The following BRCA1 variants were observed in gnomAD, a reference collection of about 807,000 sequenced individuals.
The protein encoded by BRCA1 is BRCA1 DNA repair associated.
BRCA1 carries 140 observed loss-of-function variants against 173.7 expected under a neutral mutation model. That is an observed-to-expected ratio of 0.81 (90% CI 0.70 to 0.93). The LOEUF is 0.93. Among genes scored for constraint, BRCA1 ranks in the 40% least tolerant of loss-of-function variants. The pLI, the probability that BRCA1 is intolerant of heterozygous loss-of-function variation, is 0.00. For missense variants in BRCA1, 1,983 were observed against 2,172.5 expected (o/e 0.91, Z 1.73); for synonymous variants, 662 against 756.0 (o/e 0.88, Z 2.04).
At chr17:43,158,937 C>A (rs1442621483) in intron 1 of BRCA1, among the ~76,000 whole-genome samples, 2 of 152,164 alleles carry the variant, frequency 1.3e-5, no homozygotes, top group African/African-American at 4.8e-5. Flanking sequence ...GTATTTCAAT[C>A]AAGATTTTCA....
intron 1 of BRCA1, chr17:43,142,577 G>A (rs1305201727): frequency 3.3e-5 from 5 of 152,130 alleles, no homozygotes; most frequent in African/African-American, 4.8e-5. Flanking sequence ...TTCTAGCCCT[G>A]TATCCTTATC....
chr17:43,045,730 C>CCAGTGCCAGGACAGCAGG lies in BRCA1; in HGVS notation c.5539_5540insCCTGCTGTCCTGGCACTG (p.Cys1847delinsSerCysCysProGlyThrGly), dbSNP rs1555574380. 6.2e-7 allele frequency: 1 copy of CCAGTGCCAGGACAGCAGG among 1,613,828 alleles called. No individual in the cohort carries two copies. Among genetic ancestry groups the CCAGTGCCAGGACAGCAGG allele is most frequent in the Non-Finnish European group, 8.5e-7 (1 of 1,179,952 alleles). On this transcript the variant is annotated protein_altering_variant, in exon 23 of 23. Transcript: ENST00000357654. ...TATCAGGTAGGTGTCCAGCTCCTGGCACTGGTAGAGTGCTACACTGTCCAA... is the reference window on the plus strand; with the variant it reads ...TATCAGGTAGGTGTCCAGCTCCTGGCCAGTGCCAGGACAGCAGGACTGGTAGAGTGCTACACTGTCCAA...
At position 43,095,852 on chromosome 17, in the gene BRCA1, T is replaced by A; in HGVS notation, c.664A>T (p.Lys222Ter). 1.2e-6 allele frequency: 2 copies of A among 1,613,350 alleles called. No homozygotes were observed. Among genetic ancestry groups the A allele is most frequent in the Non-Finnish European group, 1.7e-6 (2 of 1,179,464 alleles). Reference sequence around the variant, plus strand: ...TGGCAAACTTTGCCATTACCCTTTTTTGCAGAATCCAAACTGATTTCATCC... The same window carrying A: ...TGGCAAACTTTGCCATTACCCTTTTATGCAGAATCCAAACTGATTTCATCC... Reference protein sequence around the residue: ...TRDEISLDSAKKAACEFSETD... With the variant: ...TRDEISLDSA Residue 222 changes from lysine (K) to a stop codon, truncating the protein, a stop_gained, in exon 9 of 23, where the codon AAA becomes TAA. Coordinates refer to ENST00000357654, the MANE Select transcript of BRCA1 (RefSeq NM_007294.4). LOFTEE classifies it high-confidence loss of function.
At position 43,049,203 on chromosome 17, in the gene BRCA1, G is replaced by T. The variant is rs2051099141; in HGVS notation, c.5333-9C>A. 6.2e-7 allele frequency: 1 copy of T among 1,611,602 alleles called. No individual in the cohort carries two copies. The highest frequency in any genetic ancestry group is 8.5e-7 in the Non-Finnish European group (1 of 1,177,732). ...CATCCATTCCAGTTGATCTAAAATGGACATTTAGATGTAAAATCACTGCAG... is the reference window on the plus strand; with the variant it reads ...CATCCATTCCAGTTGATCTAAAATGTACATTTAGATGTAAAATCACTGCAG... On this transcript the variant is annotated splice_polypyrimidine_tract_variant and intron_variant, in intron 20 of 22. Coordinates refer to ENST00000357654, the MANE Select transcript of BRCA1 (RefSeq NM_007294.4).
intron 2 of BRCA1, among the ~76,000 whole-genome samples, chr17:43,123,347 A>AT: frequency 7.5e-6 from 1 of 132,918 alleles, no homozygotes; most frequent in Non-Finnish European, 1.6e-5. Context: ...CCGATCATCC[A>AT]TGTTTTTTTT....
Position 43,057,069 on chromosome 17 carries a change from C to A in BRCA1, c.5260G>T (p.Glu1754Ter), listed in dbSNP as rs80357432. 6.2e-7 allele frequency: 1 copy of A among 1,614,060 alleles called. No homozygotes were observed. The change falls in exon 19 of 23, where the codon GAA becomes TAA. Residue 1754 changes from glutamate (E) to a stop codon, truncating the protein, a stop_gained. Coordinates refer to ENST00000357654, the MANE Select transcript of BRCA1 (RefSeq NM_007294.4). LOFTEE classifies it high-confidence loss of function. ...RNHQGPKRARESQDRKIFRGL... is the reference protein window; with the variant it reads ...RNHQGPKRAR ...AGCTTTACCTTTCTGTCCTGGGATT[C>A]TCTTGCTCGCTTTGGACCTTGGTGG...
At chr17:43,048,473 G>A (rs920801031) in intron 21 of BRCA1, among the ~76,000 whole-genome samples, 2 of 151,248 alleles carry the variant, frequency 1.3e-5, no homozygotes, top group Admixed American at 1.3e-4. Context: ...CCAAAGTGCT[G>A]GGATTACAGG....
chr17:43,056,290 C>T (rs534332225), intron 19 of BRCA1, among the ~76,000 whole-genome samples: 3 of 151,950 alleles, frequency 2.0e-5, no homozygotes, highest in African/African-American at 7.2e-5. Flanking sequence ...ACTCTCAACT[C>T]AGCCTTCCGA....
At chr17:43,139,730 C>A (rs1597935470) in intron 1 of BRCA1, 3 of 387,154 alleles carry the variant, frequency 7.7e-6, no homozygotes, top group Admixed American at 5.9e-5. Flanking sequence ...TCTGTTGTTC[C>A]CTTCTTTGTG....
intron 1 of BRCA1, chr17:43,131,367 C>T (rs8079162): frequency 5.2e-6 from 2 of 384,588 alleles, no homozygotes; most frequent in Non-Finnish European, 1.1e-5. Flanking sequence ...GCGCTTAGCT[C>T]ATTTGTGTCT....
At chr17:43,099,975 G>T in intron 6 of BRCA1, 95 bp from the exon 7 acceptor site, 1 of 972,174 alleles carries the variant, frequency 1.0e-6, no homozygotes, top group South Asian at 1.3e-5. Flanking sequence ...AAAATAAATT[G>T]ACCATCATCA....
chr17:43,073,413 A>G lies in BRCA1; in HGVS notation c.4675+918T>C, dbSNP rs554926201. Reference sequence around the variant, plus strand: ...TTCAGAAAATGCCATGGTATCAGGAATTAAGCATAGCTAAGTAGAATGTAT... The same window carrying G: ...TTCAGAAAATGCCATGGTATCAGGAGTTAAGCATAGCTAAGTAGAATGTAT... On this transcript the variant is annotated intron_variant, in intron 14 of 22. Coordinates refer to ENST00000357654, the MANE Select transcript of BRCA1 (RefSeq NM_007294.4). 3.2e-4 allele frequency among the ~76,000 whole-genome samples: 48 copies of G among 152,290 alleles called. No individual in the cohort carries two copies. The highest frequency in any genetic ancestry group is 5.6e-4 in the Non-Finnish European group (38 of 68,016).
intron 1 of BRCA1, among the ~76,000 whole-genome samples, chr17:43,136,392 A>G (rs1420337662): frequency 6.6e-6 from 1 of 152,234 alleles, no homozygotes; most frequent in Non-Finnish European, 1.5e-5. Context: ...CTTCATGACT[A>G]AAACACCAAA....
At chr17:43,101,269 T>G (rs2054463495) in intron 6 of BRCA1, among the ~76,000 whole-genome samples, 11 of 151,732 alleles carry the variant, frequency 7.2e-5, no homozygotes, top group Admixed American at 7.2e-4. Context: ...TGATCTCGGT[T>G]CACTGCAACC....
chr17:43,124,797 C>T, intron 1 of BRCA1: 1 of 259,984 alleles, frequency 3.8e-6, no homozygotes, highest in Non-Finnish European at 7.7e-6. Flanking sequence ...CGCTCTGTCG[C>T]CCAGGCTGGA....
At position 43,121,683 on chromosome 17, in the gene BRCA1, C is replaced by CAAAAAA. The variant is rs71160013; in HGVS notation, c.80+2328_80+2333dup. On this transcript the variant is annotated intron_variant, in intron 2 of 22. Transcript: ENST00000357654. ...GGGCAACAAGAGCCAAAGTCTGTCT[C>CAAAAAA]AAAAAAAAAAAAAAAAAAAAAAAAA... 1.3e-3 allele frequency among the ~76,000 whole-genome samples: 42 copies of CAAAAAA among 32,876 alleles called. 1 individual carries two copies. The highest frequency in any genetic ancestry group is 4.9e-3 in the African/African-American group (34 of 7,010). The allele number at this position is 32,876 out of a possible 152,430, so 21.6% of individuals were successfully genotyped here.
At chr17:43,110,106 G>T (rs1454525753) in intron 3 of BRCA1, among the ~76,000 whole-genome samples, 4 of 151,962 alleles carry the variant, frequency 2.6e-5, no homozygotes, top group Non-Finnish European at 5.9e-5. Flanking sequence ...ATGTTAGCCA[G>T]GATGGTCTCG....
chr17:43,114,033 C>T (rs2055154737), intron 3 of BRCA1, among the ~76,000 whole-genome samples: 1 of 151,848 alleles, frequency 6.6e-6, no homozygotes, highest in Admixed American at 6.6e-5. Context: ...CGAGATCACA[C>T]CACTGCACTC....
intron 14 of BRCA1, among the ~76,000 whole-genome samples, chr17:43,071,952 G>A (rs2153935807): frequency 6.6e-6 from 1 of 151,986 alleles, no homozygotes; most frequent in South Asian, 2.1e-4. Context: ...AGCTTGCAGT[G>A]AGCTGAGATT....
Sources: allele counts gnomAD v4.1 joint callset (sites outside exome capture counted in the v4.1 genomes callset), GRCh38; gene constraint gnomAD v4.1.1; transcripts MANE v1.5; gene names NCBI Gene and HGNC (gene_info 2026-07-23, HGNC 2026-07-21).